Variants in HIF1A observed in about 807,000 individuals in gnomAD.
The protein encoded by HIF1A is hypoxia-inducible factor 1-alpha.
A neutral mutation model predicts 92.7 loss-of-function variants in HIF1A; 24 were observed. The ratio of observed to expected loss-of-function variants is 0.26; its 90% confidence interval spans 0.19 to 0.36. The LOEUF (loss-of-function observed/expected upper bound fraction) is 0.36. Ranked by LOEUF, HIF1A falls within the 10% of genes least tolerant of loss-of-function variation. HIF1A has a pLI of 1.00. For synonymous variants in HIF1A, 319 were observed against 338.7 expected, an observed-to-expected ratio of 0.94 and a Z score of 0.64; for missense variants, 799 against 998.5, an observed-to-expected ratio of 0.80 and a Z score of 2.69.
intron 12 of HIF1A, among the ~76,000 whole-genome samples, chr14:61,744,025 A>G (rs1263389480): frequency 6.6e-6 from 1 of 152,194 alleles, no homozygotes; most frequent in Non-Finnish European, 1.5e-5. Context: ...TGAACTAATG[A>G]ACTTGAAATG....
At chr14:61,701,920 G>A (rs112694596) in intron 1 of HIF1A, among the ~76,000 whole-genome samples, 2,825 of 151,638 alleles carry the variant, frequency 0.019, 96 homozygotes, top group African/African-American at 0.063. Flanking sequence ...CCTGGGAGGC[G>A]GAGGTTGCGG....
At chr14:61,726,955 C>T in intron 5 of HIF1A, 137 bp downstream of exon 5, 1 of 535,138 alleles carries the variant, frequency 1.9e-6, no homozygotes, top group South Asian at 3.0e-5. Flanking sequence ...ATCTTCAACT[C>T]ATTTGCATGT....
At chr14:61,725,779 A>C (rs1221894851) in intron 4 of HIF1A, among the ~76,000 whole-genome samples, 1 of 151,900 alleles carries the variant, frequency 6.6e-6, no homozygotes, top group African/African-American at 2.4e-5. Context: ...AGAAGGTTTG[A>C]AATTGGAGTG....
chr14:61,695,757 G>A lies in HIF1A; in HGVS notation c.-48G>A, dbSNP rs1463612679. On this transcript the variant is annotated 5_prime_UTR_variant, in exon 1 of 15. Transcript: ENST00000337138. ...AGGGAGCCAGCGCTTAGGCCGGAGC[G>A]AGCCTGGGGGCCGCCCGCCGTGAAG... The A allele has an allele frequency of 6.4e-7, 1 of 1,563,622 alleles. No homozygotes were observed. Among genetic ancestry groups the A allele is most frequent in the Admixed American group, 1.9e-5 (1 of 51,664 alleles).
intron 1 of HIF1A, among the ~76,000 whole-genome samples, chr14:61,713,358 G>A (rs376679366): frequency 1.3e-5 from 2 of 152,238 alleles, no homozygotes; most frequent in South Asian, 4.1e-4. Context: ...CCAAACTTAC[G>A]TATCATATGC....
chr14:61,700,515 A>G (rs2044165854), intron 1 of HIF1A, among the ~76,000 whole-genome samples: 1 of 152,160 alleles, frequency 6.6e-6, no homozygotes. Flanking sequence ...ATATTCCATT[A>G]TATGTTCCAT....
At chr14:61,731,090 A>C (rs1387840194) in intron 6 of HIF1A, among the ~76,000 whole-genome samples, 1 of 151,970 alleles carries the variant, frequency 6.6e-6, no homozygotes, top group Non-Finnish European at 1.5e-5. Flanking sequence ...CTTGCCTTTA[A>C]GTGTGAGAAC....
chr14:61,707,062 G>A (rs1318171271), intron 1 of HIF1A, among the ~76,000 whole-genome samples: 3 of 152,158 alleles, frequency 2.0e-5, no homozygotes, highest in Non-Finnish European at 4.4e-5. Flanking sequence ...CATTTGGGTA[G>A]GTTTTTTAAA....
Position 61,741,100 on chromosome 14 carries a change from C to T in HIF1A, c.2005C>T (p.Pro669Ser), listed in dbSNP as rs1158303743. The change falls in exon 12 of 15, where the codon CCA (proline) becomes TCA (serine). Residue 669 changes from proline to serine, a missense_variant. Pro to Ser is a moderately conservative substitution (Grantham distance 74). Around this residue, in one of 2 missense-constraint regions of HIF1A, gnomAD observed 283 missense variants for 277.5 expected, o/e 1.02. Transcript: ENST00000337138. ...YRDTQSRTAS[P>S]NRAGKGVIEQ... ...AGATACTCAAAGTCGGACAGCCTCACCAAACAGAGCAGGAAAAGGAGTCAT... is the reference window on the plus strand; with the variant it reads ...AGATACTCAAAGTCGGACAGCCTCATCAAACAGAGCAGGAAAAGGAGTCAT... The T allele has an allele frequency of 1.2e-6, 2 of 1,613,896 alleles. No homozygotes were observed. The highest frequency in any genetic ancestry group is 2.7e-5 in the African/African-American group (2 of 74,926).
Position 61,740,899 on chromosome 14 carries a change from T to C in HIF1A, c.1804T>C (p.Phe602Leu). 6.2e-7 allele frequency: 1 copy of C among 1,614,212 alleles called. No homozygotes were observed. Among genetic ancestry groups the C allele is most frequent in the Non-Finnish European group, 8.5e-7 (1 of 1,180,034 alleles). The part of the protein sequence containing the change: ...SASPQSTVTV[F>L]QQTQIQEPTA... Reference sequence around the variant, plus strand: ...AAGTCCTCAAAGCACAGTTACAGTATTCCAGCAGACTCAAATACAAGAACC... The same window carrying C: ...AAGTCCTCAAAGCACAGTTACAGTACTCCAGCAGACTCAAATACAAGAACC... Residue 602 changes from phenylalanine (F) to leucine (L), a missense_variant, in exon 12 of 15, where the codon TTC becomes CTC. Phe to Leu is a conservative substitution (Grantham distance 22). Around this residue, in one of 2 missense-constraint regions of HIF1A, gnomAD observed 283 missense variants for 277.5 expected, o/e 1.02. Transcript: ENST00000337138.
intron 7 of HIF1A, among the ~76,000 whole-genome samples, chr14:61,733,716 T>A (rs181009498): frequency 2.6e-5 from 4 of 152,364 alleles, no homozygotes; most frequent in Admixed American, 2.6e-4. Flanking sequence ...GTGGTATCAA[T>A]TTATATTTAA....
At chr14:61,711,124 A>G (rs1378227637) in intron 1 of HIF1A, among the ~76,000 whole-genome samples, 1 of 151,938 alleles carries the variant, frequency 6.6e-6, no homozygotes, top group Non-Finnish European at 1.5e-5. Flanking sequence ...TTCTTGAAAA[A>G]GACTGTGGAA....
chr14:61,726,515 G>A (rs1488812212), intron 4 of HIF1A, 191 bp from the exon 5 acceptor site: 3 of 398,184 alleles, frequency 7.5e-6, no homozygotes, highest in African/African-American at 6.3e-5. Flanking sequence ...GGGAATCACA[G>A]CTACTGAGTA....
intron 1 of HIF1A, among the ~76,000 whole-genome samples, chr14:61,708,794 T>C (rs1446907816): frequency 6.6e-6 from 1 of 152,252 alleles, no homozygotes; most frequent in African/African-American, 2.4e-5. Flanking sequence ...ATTCTGTGTT[T>C]TGAGAATTCT....
In HIF1A at chr14:61,742,754, C is replaced by T. The variant is rs150240393; in HGVS notation, c.2093+1566C>T. Among the ~76,000 whole-genome samples the T allele has an allele frequency of 7.2e-3, 1,091 of 151,762 alleles. 19 individuals carry two copies. The highest frequency in any genetic ancestry group is 0.025 in the African/African-American group (1,017 of 41,394). The stretch of plus-strand genomic sequence containing the variant: ...CAAAAATTAGCTGGGCGTGGTGGCA[C>T]GTGCCTGTAATCCCAGCTACTTTGG... On this transcript the variant is annotated intron_variant, in intron 12 of 14. Transcript: ENST00000337138.
intron 6 of HIF1A, among the ~76,000 whole-genome samples, chr14:61,728,019 CAAA>C (rs61241012): frequency 2.7e-3 from 386 of 143,250 alleles, no homozygotes; most frequent in Middle Eastern, 3.5e-3. Flanking sequence ...ACTCCCATTT[CAAA>C]AAAAAAAAAA....
At chr14:61,723,429 A>C (rs1281526011) in intron 4 of HIF1A, among the ~76,000 whole-genome samples, 1 of 152,258 alleles carries the variant, frequency 6.6e-6, no homozygotes, top group Non-Finnish European at 1.5e-5. Context: ...GACTGGCTTC[A>C]GAGTCCACGC....
In HIF1A at chr14:61,738,377, G is replaced by C; in HGVS notation, c.1536+4G>C. 6.3e-7 allele frequency: 1 copy of C among 1,587,894 alleles called. No individual in the cohort carries two copies. Among genetic ancestry groups the C allele is most frequent in the African/African-American group, 1.4e-5 (1 of 73,820 alleles). ...CACTAGACAAAGTTCACCTGAGGTA[G>C]GTGTCATGATATAATCAGAAAGGGA... On this transcript the variant is annotated splice_donor_region_variant and intron_variant, in intron 10 of 14. Coordinates refer to ENST00000337138, the MANE Select transcript of HIF1A (RefSeq NM_001530.4).
At chr14:61,736,279 G>C (rs1022018937) in intron 8 of HIF1A, among the ~76,000 whole-genome samples, 8 of 151,992 alleles carry the variant, frequency 5.3e-5, no homozygotes, top group African/African-American at 1.4e-4. Flanking sequence ...GCCCAGCCTG[G>C]ATATCTGAAA....
Sources: allele counts gnomAD v4.1 joint callset (sites outside exome capture counted in the v4.1 genomes callset), GRCh38; gene constraint gnomAD v4.1.1; regional missense constraint gnomAD v4.1.1; transcripts MANE v1.5; gene names NCBI Gene and HGNC (gene_info 2026-07-23, HGNC 2026-07-21).